Variants in GRXCR2 observed in about 807,000 individuals in gnomAD.
The protein encoded by GRXCR2 is glutaredoxin domain-containing cysteine-rich protein 2.
GRXCR2 carries 23 observed loss-of-function variants against 24.8 expected under a neutral mutation model. The ratio of observed to expected loss-of-function variants is 0.93; its 90% CI spans 0.67 to 1.32. The LOEUF (loss-of-function observed/expected upper bound fraction) is 1.32. GRXCR2 is among the 40% of genes most tolerant of loss of function. The probability of loss-of-function intolerance (pLI) is 0.00; values close to 1 mark genes in which losing one functional copy is unlikely to be tolerated. For synonymous variants in GRXCR2, 130 were observed against 116.1 expected, an observed-to-expected ratio of 1.12 and a Z score of -0.77; for missense variants, 315 against 303.4, an observed-to-expected ratio of 1.04 and a Z score of -0.28.
At chr5:145,878,783 A>G (rs1020471063) in intron 2 of GRXCR2, among the ~76,000 whole-genome samples, 5 of 152,354 alleles carry the variant, frequency 3.3e-5, no homozygotes, top group African/African-American at 1.2e-4. Context: ...AAGAATGGTA[A>G]GGGCAGCCAG....
At chr5:145,911,768 A>G (rs1302398080) in intron 2 of GRXCR2, among the ~76,000 whole-genome samples, 1 of 152,198 alleles carries the variant, frequency 6.6e-6, no homozygotes, top group African/African-American at 2.4e-5. Context: ...AAAGAGAATG[A>G]AGTGGCCAGT....
chr5:145,862,736 C>T (rs1206206169), intron 2 of GRXCR2, among the ~76,000 whole-genome samples: 2 of 152,106 alleles, frequency 1.3e-5, no homozygotes, highest in African/African-American at 4.8e-5. Context: ...TTATTATGGT[C>T]AAGAGACTGT....
chr5:145,897,444 A>G (rs1208827187), intron 2 of GRXCR2, among the ~76,000 whole-genome samples: 7 of 152,066 alleles, frequency 4.6e-5, no homozygotes, highest in Admixed American at 3.9e-4. Flanking sequence ...TCTGGACTTA[A>G]GCTCAACACT....
intron 2 of GRXCR2, among the ~76,000 whole-genome samples, chr5:145,880,366 C>G (rs1182521097): frequency 6.6e-6 from 1 of 152,114 alleles, no homozygotes; most frequent in Non-Finnish European, 1.5e-5. Flanking sequence ...AAAGGGATGT[C>G]ACCACCAATC....
chr5:145,892,762 A>C (rs976975412), intron 2 of GRXCR2, among the ~76,000 whole-genome samples: 13 of 152,206 alleles, frequency 8.5e-5, no homozygotes, highest in African/African-American at 2.9e-4. Flanking sequence ...CCAACATTCA[A>C]ATTCAGGAAG....
chr5:145,911,878 T>C (rs1757171793), intron 2 of GRXCR2, among the ~76,000 whole-genome samples: 1 of 152,144 alleles, frequency 6.6e-6, no homozygotes, highest in African/African-American at 2.4e-5. Context: ...CACTTGAGTC[T>C]AGAAGTTCGA....
At chr5:145,898,128 G>A (rs959558407) in intron 2 of GRXCR2, among the ~76,000 whole-genome samples, 5 of 151,872 alleles carry the variant, frequency 3.3e-5, no homozygotes, top group African/African-American at 1.2e-4. Context: ...AAATGGCAAA[G>A]GTGACATTAC....
chr5:145,929,198 CCTATATATATAT>C (rs1403064482), intron 2 of GRXCR2, among the ~76,000 whole-genome samples: 2 of 88,422 alleles, frequency 2.3e-5, no homozygotes, highest in African/African-American at 5.8e-5. Flanking sequence ...AATATTCCCC[CCTATATATATAT>C]ATATATATAT....
In GRXCR2 at chr5:145,891,634, G is replaced by A. The variant is rs541181074; in HGVS notation, c.-69-24906C>T. Among the ~76,000 whole-genome samples, 18 of 152,310 alleles carry A rather than the reference G, an allele frequency of 1.2e-4. No individual in the cohort carries two copies. The South Asian group carries it at 1.5e-3, about 12-fold the overall frequency. On this transcript the variant is annotated intron_variant, in intron 2 of 3. Transcript: ENST00000639411. ...TTTGAGTAGGTAAACAAAGCGGCCA[G>A]GAAGCTCGAACTCGGTGGAGCCCAC... is the stretch of plus-strand genomic sequence containing the variant.
intron 2 of GRXCR2, among the ~76,000 whole-genome samples, chr5:145,923,268 T>C (rs980706501): frequency 1.3e-5 from 2 of 152,222 alleles, no homozygotes; most frequent in Admixed American, 6.5e-5. Flanking sequence ...CATACCCTGA[T>C]ATTGGCCTAT....
chr5:145,859,981 A>C (rs765223018), intron 2 of GRXCR2, 66 bp from the exon 3 acceptor site: 56 of 1,319,392 alleles, frequency 4.2e-5, no homozygotes, highest in Non-Finnish European at 5.7e-5. Context: ...ATGCAGGTCA[A>C]AACAGCACTA....
Position 145,865,503 on chromosome 5 carries a change from A to G in GRXCR2, c.564+998T>C, listed in dbSNP as rs139622707. Among the ~76,000 whole-genome samples the G allele has an allele frequency of 1.1e-3, 173 of 152,220 alleles. 2 individuals carry two copies. In the East Asian group the frequency reaches 0.031, roughly 27 times the overall value. On this transcript the variant is annotated intron_variant, in intron 2 of 2. Transcript: ENST00000377976. ...TAGGCAGATATTAAGCTTTATTAACATTTTTAAAAGAATTTTTATACTAAC... is the reference window on the plus strand; with the variant it reads ...TAGGCAGATATTAAGCTTTATTAACGTTTTTAAAAGAATTTTTATACTAAC...
downstream of GRXCR2, chr5:145,858,394 C>G (rs545435394): frequency 6.6e-6 from 1 of 150,728 alleles, no homozygotes; most frequent in African/African-American, 2.4e-5. Flanking sequence ...GAAGAGCCAA[C>G]AGCTGTGAGA....
At chr5:145,864,766 C>G (rs532055291) in intron 2 of GRXCR2, among the ~76,000 whole-genome samples, 1 of 152,144 alleles carries the variant, frequency 6.6e-6, no homozygotes, top group Non-Finnish European at 1.5e-5. Context: ...ATGTATTACT[C>G]AGTCTCAAGT....
intron 2 of GRXCR2, among the ~76,000 whole-genome samples, chr5:145,896,291 C>T (rs907072441): frequency 6.6e-6 from 1 of 152,128 alleles, no homozygotes; most frequent in African/African-American, 2.4e-5. Context: ...CGGGATGTAA[C>T]TAAACTGAAG....
At chr5:145,897,247 TTACATACATACATACATACA>T (rs67092971) in intron 2 of GRXCR2, among the ~76,000 whole-genome samples, 1 of 145,822 alleles carries the variant, frequency 6.9e-6, no homozygotes, top group Admixed American at 6.9e-5. Flanking sequence ...CTGTTGTTTG[TTACATACATACATACATACA>T]TACATACATA....
chr5:145,927,968 C>G (rs1397256019), intron 2 of GRXCR2, among the ~76,000 whole-genome samples: 2 of 152,078 alleles, frequency 1.3e-5, no homozygotes, highest in Non-Finnish European at 2.9e-5. Flanking sequence ...AACAGGCAAC[C>G]TACAGAATGG....
chr5:145,877,351 A>C (rs548356041), upstream of GRXCR2, among the ~76,000 whole-genome samples: 1 of 148,870 alleles, frequency 6.7e-6, no homozygotes, highest in South Asian at 2.1e-4. Context: ...CCTCTTCACT[A>C]TTCTTTTTTT....
At position 145,864,845 on chromosome 5, in the gene GRXCR2, T is replaced by G. The variant is rs549876892; in HGVS notation, c.564+1656A>C. On this transcript the variant is annotated intron_variant, in intron 2 of 2. Coordinates refer to ENST00000377976, the MANE Select transcript of GRXCR2 (RefSeq NM_001080516.2). ...AGGGGGTGACCTAATCAGATTACAT[T>G]TAAAAATATCTTTTTGAGTGTGGGG... Among the ~76,000 whole-genome samples, 37 of 152,270 alleles carry G rather than the reference T, an allele frequency of 2.4e-4. No homozygotes were observed. The South Asian group carries it at 7.7e-3, about 32-fold the overall frequency.
Sources: gnomAD v4.1 joint callset for allele counts (sites outside exome capture counted in the v4.1 genomes callset) on GRCh38, gnomAD v4.1.1 for gene constraint, MANE v1.5 for transcripts, NCBI Gene and HGNC (gene_info 2026-07-23, HGNC 2026-07-21) for gene names.